TGM4: variants seen among roughly 807,000 people sequenced by gnomAD.
TGM4 encodes protein-glutamine gamma-glutamyltransferase 4.
Under a neutral mutation model 76.3 loss-of-function variants are expected in TGM4, and 61 were observed. That is an observed-to-expected ratio of 0.80 (90% confidence interval 0.65 to 0.99). TGM4 has a LOEUF of 0.99. Among genes scored for constraint, TGM4 ranks in the 50% least tolerant of loss-of-function variants. The pLI is 0.00. For missense variants in TGM4, 794 were observed against 843.2 expected (o/e 0.94, Z 0.72); for synonymous variants, 337 against 329.8 (o/e 1.02, Z -0.24).
At position 44,881,597 on chromosome 3, in the gene TGM4, G is replaced by A. The variant is rs373186598; in HGVS notation, c.20-3728G>A. 7.9e-5 allele frequency among the ~76,000 whole-genome samples: 12 copies of A among 152,184 alleles called. No individual in the cohort carries two copies. The South Asian group carries it at 1.0e-3, about 13-fold the overall frequency. Reference sequence around the variant, plus strand: ...AAGTCACCAAGATCCTCTTAAGTGCGTTTTTTCTTGTCATTTCAAGAGTCC... The same window carrying A: ...AAGTCACCAAGATCCTCTTAAGTGCATTTTTTCTTGTCATTTCAAGAGTCC... On this transcript the variant is annotated intron_variant, in intron 1 of 13. Transcript: ENST00000296125.
chr3:44,889,917 G>C (rs547241769), intron 3 of TGM4, among the ~76,000 whole-genome samples: 2 of 152,270 alleles, frequency 1.3e-5, no homozygotes, highest in Non-Finnish European at 2.9e-5. Context: ...CCTGAGACTG[G>C]GTAATTTATA....
chr3:44,904,328 T>C (rs1218406857), intron 9 of TGM4, among the ~76,000 whole-genome samples: 1 of 152,212 alleles, frequency 6.6e-6, no homozygotes, highest in Non-Finnish European at 1.5e-5. Flanking sequence ...ATTTTACAAA[T>C]GAGGAAACTG....
At chr3:44,905,838 G>C (rs62242615) in intron 9 of TGM4, among the ~76,000 whole-genome samples, 84,452 of 151,808 alleles carry the variant, frequency 0.56, 24,300 homozygotes, top group East Asian at 0.88. Flanking sequence ...CCACACCCCC[G>C]CATACTCTGC....
intron 1 of TGM4, among the ~76,000 whole-genome samples, chr3:44,876,774 C>T (rs549449876): frequency 2.0e-4 from 30 of 152,012 alleles, no homozygotes; most frequent in Non-Finnish European, 3.5e-4. Flanking sequence ...ATGTGTAAGA[C>T]AAAACCTCCA....
Position 44,901,887 on chromosome 3 carries a change from T to C in TGM4, c.927T>C (p.Asn309=), listed in dbSNP as rs748172687. 3.1e-6 allele frequency: 5 copies of C among 1,614,202 alleles called. No homozygotes were observed. The South Asian group carries it at 5.5e-5, about 18-fold the overall frequency. ...ACCTCACGGTGGACACCTATGTGAA[T>C]GAGAATGGCGAGAAAATCACCAGTA... ...ERNLTVDTYV[N]ENGEKITSMT... The change falls in exon 8 of 14, where the codon AAT becomes AAC. Residue 309 remains asparagine (N), a synonymous_variant. Transcript: ENST00000296125.
intron 9 of TGM4, among the ~76,000 whole-genome samples, chr3:44,904,973 T>A (rs1190148301): frequency 6.6e-6 from 1 of 151,452 alleles, no homozygotes; most frequent in African/African-American, 2.4e-5. Flanking sequence ...TGAGCCACTG[T>A]GCCTGGCCTT....
intron 1 of TGM4, among the ~76,000 whole-genome samples, chr3:44,878,242 G>A (rs1699475660): frequency 6.6e-6 from 1 of 151,284 alleles, no homozygotes; most frequent in Non-Finnish European, 1.5e-5. Flanking sequence ...GAGAGAGAGA[G>A]GGAGAAAAAG....
intron 10 of TGM4, among the ~76,000 whole-genome samples, chr3:44,909,661 GC>G (rs1699973916): frequency 6.6e-6 from 1 of 152,170 alleles, no homozygotes; most frequent in South Asian, 2.1e-4. Flanking sequence ...GTGATTTGGT[GC>G]TGTGGTTTTT....
At chr3:44,906,541 T>C (rs1049407643) in intron 9 of TGM4, among the ~76,000 whole-genome samples, 1 of 152,210 alleles carries the variant, frequency 6.6e-6, no homozygotes, top group African/African-American at 2.4e-5. Context: ...GCAATAGCCT[T>C]AGAAGGTAAG....
At position 44,903,919 on chromosome 3, in the gene TGM4, G is replaced by A. The variant is rs762948863; in HGVS notation, c.1007G>A (p.Arg336Gln). Residue 336 changes from arginine to glutamine, a missense_variant, in exon 9 of 14, where the codon CGA (arginine) becomes CAA (glutamine). Coordinates refer to ENST00000296125, the MANE Select transcript of TGM4 (RefSeq NM_003241.4). ...GTGTGGACGGATGCCTGGATGAAGC[G>A]ACCGGATCTGCCCAAGGGCTACGAC... Reference protein sequence around the residue: ...FHVWTDAWMKRPDLPKGYDGW... With the variant: ...FHVWTDAWMKQPDLPKGYDGW... 8 of 1,614,146 alleles carry A rather than the reference G, an allele frequency of 5.0e-6. No individual in the cohort carries two copies. The Admixed American group carries it at 5.0e-5, about 10-fold the overall frequency.
intron 3 of TGM4, among the ~76,000 whole-genome samples, chr3:44,889,453 C>T (rs779288810): frequency 4.6e-5 from 7 of 152,032 alleles, no homozygotes; most frequent in African/African-American, 7.2e-5. Context: ...CATCAGATGC[C>T]CATGCTAGAA....
At chr3:44,893,993 C>T (rs1184116600) in intron 5 of TGM4, among the ~76,000 whole-genome samples, 9 of 41,564 alleles carry the variant, frequency 2.2e-4, no homozygotes, top group African/African-American at 5.1e-4. Context: ...CCACCCCCCT[C>T]GGCTCTCTCC....
At position 44,910,199 on chromosome 3, in the gene TGM4, A is replaced by G; in HGVS notation, c.1437A>G (p.Ser479=). The G allele has an allele frequency of 6.2e-7, 1 of 1,614,230 alleles. No homozygotes were observed. Among genetic ancestry groups the G allele is most frequent in the Non-Finnish European group, 8.5e-7 (1 of 1,180,042 alleles). Residue 479 remains serine (S), a synonymous_variant, in exon 11 of 14, where the codon TCA becomes TCG. Transcript: ENST00000296125. ...KENFLHMSVQ[S]DDVLLGNSVN... is the part of the protein sequence containing the mutation. ...ACTTTCTTCACATGTCGGTACAATC[A>G]GATGATGTGCTGCTGGGAAACTCTG...
intron 2 of TGM4, among the ~76,000 whole-genome samples, chr3:44,886,079 C>T (rs1699603353): frequency 6.6e-6 from 1 of 152,158 alleles, no homozygotes; most frequent in Admixed American, 6.6e-5. Flanking sequence ...CATGGCAGCT[C>T]ATGCCTGTAA....
Position 44,901,937 on chromosome 3 carries a change from G to T in TGM4, c.971+6G>T, listed in dbSNP as rs201309398. Reference sequence around the variant, plus strand: ...ATGACCCACGACTCTGTCTGGTAGGGTTCCTCCTTCTCAACCTGCCCTGTC... The same window carrying T: ...ATGACCCACGACTCTGTCTGGTAGGTTTCCTCCTTCTCAACCTGCCCTGTC... On this transcript the variant is annotated splice_donor_region_variant and intron_variant, in intron 8 of 13. Transcript: ENST00000296125. 5.6e-6 allele frequency: 9 copies of T among 1,613,086 alleles called. No individual in the cohort carries two copies. In the Admixed American group the frequency reaches 1.3e-4, roughly 24 times the overall value.
chr3:44,885,962 AAG>A (rs1699602054), intron 2 of TGM4, among the ~76,000 whole-genome samples: 1 of 152,170 alleles, frequency 6.6e-6, no homozygotes, highest in Non-Finnish European at 1.5e-5. Flanking sequence ...CAACTAGGGG[AAG>A]AGAGAAAATG....
chr3:44,892,369 T>C (rs1287256173), intron 4 of TGM4, among the ~76,000 whole-genome samples: 1 of 149,086 alleles, frequency 6.7e-6, no homozygotes, highest in Non-Finnish European at 1.5e-5. Context: ...TTAATTTTTT[T>C]TTTTTTTTTT....
At chr3:44,879,635 G>T (rs965740156) in intron 1 of TGM4, among the ~76,000 whole-genome samples, 1 of 151,754 alleles carries the variant, frequency 6.6e-6, no homozygotes, top group African/African-American at 2.4e-5. Context: ...ACCACATCCG[G>T]CTAATTTTGA....
chr3:44,896,918 A>G (rs1467726040), intron 6 of TGM4, 102 bp downstream of exon 6: 2 of 863,430 alleles, frequency 2.3e-6, no homozygotes, highest in Admixed American at 2.0e-5. Flanking sequence ...GAAGTACACC[A>G]CTGTGCTATG....
Sources: gnomAD v4.1 joint callset for allele counts (sites outside exome capture counted in the v4.1 genomes callset) on GRCh38, gnomAD v4.1.1 for gene constraint, MANE v1.5 for transcripts, NCBI Gene and HGNC (gene_info 2026-07-23, HGNC 2026-07-21) for gene names.